NPAS3: variants seen among roughly 807,000 people sequenced by gnomAD.
The protein encoded by NPAS3 is neuronal PAS domain-containing protein 3.
In NPAS3, 14 loss-of-function variants were observed where a neutral mutation model predicts 73.1. That is an observed-to-expected ratio of 0.19 (90% CI 0.13 to 0.30). NPAS3 has a LOEUF of 0.30. Among genes scored for constraint, NPAS3 ranks in the 10% least tolerant of loss-of-function variants. NPAS3 has a pLI of 1.00. For synonymous variants in NPAS3, 620 were observed against 541.5 expected, an observed-to-expected ratio of 1.14 and a Z score of -2.01; for missense variants, 1,096 against 1,250.0, an observed-to-expected ratio of 0.88 and a Z score of 1.86.
intron 4 of NPAS3, among the ~76,000 whole-genome samples, chr14:33,494,329 C>T (rs2052056919): frequency 6.6e-6 from 1 of 152,124 alleles, no homozygotes; most frequent in South Asian, 2.1e-4. Flanking sequence ...CATAGAAAAA[C>T]ACCTGTTAGC....
chr14:33,239,442 T>G (rs911884963), intron 3 of NPAS3, among the ~76,000 whole-genome samples: 5 of 151,882 alleles, frequency 3.3e-5, no homozygotes, highest in African/African-American at 1.2e-4. Context: ...AAACAGTTTT[T>G]TCAAGGATCT....
At chr14:33,064,318 CAATT>C (rs1342633283) in intron 2 of NPAS3, among the ~76,000 whole-genome samples, 1 of 152,052 alleles carries the variant, frequency 6.6e-6, no homozygotes, top group African/African-American at 2.4e-5. Flanking sequence ...AGAAGATAAA[CAATT>C]AATATACCTC....
chr14:33,461,770 A>C (rs2050277418), intron 4 of NPAS3, among the ~76,000 whole-genome samples: 1 of 152,262 alleles, frequency 6.6e-6, no homozygotes, highest in African/African-American at 2.4e-5. Flanking sequence ...CCGAAGAGGA[A>C]GCATAGCTTA....
At chr14:33,671,254 C>G (rs2059602642) in intron 5 of NPAS3, among the ~76,000 whole-genome samples, 2 of 152,180 alleles carry the variant, frequency 1.3e-5, no homozygotes, top group South Asian at 4.1e-4. Flanking sequence ...GGGGAGCAAG[C>G]AAAGGCTATT....
chr14:32,972,217 C>T (rs1314305470), intron 1 of NPAS3, among the ~76,000 whole-genome samples: 3 of 151,790 alleles, frequency 2.0e-5, no homozygotes, highest in African/African-American at 4.8e-5. Context: ...GGATTACAGG[C>T]GTGAGCCACC....
chr14:33,542,773 C>T (rs1169765848), intron 4 of NPAS3, among the ~76,000 whole-genome samples: 1 of 152,190 alleles, frequency 6.6e-6, no homozygotes, highest in East Asian at 1.9e-4. Context: ...CCTGAGTGCG[C>T]ACGCACATGA....
chr14:33,664,810 T>TACCATCTCACACCAGTTAGAA (rs2059406011), intron 5 of NPAS3, among the ~76,000 whole-genome samples: 1 of 152,338 alleles, frequency 6.6e-6, no homozygotes, highest in Middle Eastern at 3.4e-3. Context: ...CACAGTGAGA[T>TACCATCTCACACCAGTTAGAA]ACCATCTCAC....
chr14:33,168,282 A>G (rs1420242422), intron 2 of NPAS3, among the ~76,000 whole-genome samples: 1 of 152,118 alleles, frequency 6.6e-6, no homozygotes, highest in Non-Finnish European at 1.5e-5. Context: ...GAGACAGCTT[A>G]CTGTGTGTAG....
At chr14:33,255,123 T>C (rs527407841) in intron 3 of NPAS3, among the ~76,000 whole-genome samples, 1 of 152,340 alleles carries the variant, frequency 6.6e-6, no homozygotes, top group African/African-American at 2.4e-5. Flanking sequence ...GTAATATGTT[T>C]CTTTCCAACC....
intron 2 of NPAS3, among the ~76,000 whole-genome samples, chr14:33,186,080 G>A (rs915118324): frequency 2.0e-5 from 3 of 152,082 alleles, no homozygotes; most frequent in Non-Finnish European, 4.4e-5. Flanking sequence ...ACTGATTTCT[G>A]CAAAAAGACA....
chr14:33,403,654 T>C (rs1160163), intron 4 of NPAS3, among the ~76,000 whole-genome samples: 114,558 of 151,940 alleles, frequency 0.75, 44,084 homozygotes, highest in African/African-American at 0.92. Context: ...GACAGTGACA[T>C]CATTTTAATC....
At chr14:33,249,548 C>A (rs1594506770) in intron 3 of NPAS3, among the ~76,000 whole-genome samples, 1 of 152,108 alleles carries the variant, frequency 6.6e-6, no homozygotes, top group Non-Finnish European at 1.5e-5. Flanking sequence ...GACCTCTATG[C>A]ACCTCTATTG....
chr14:33,009,876 A>AGC (rs2039130315), intron 1 of NPAS3, among the ~76,000 whole-genome samples: 1 of 152,198 alleles, frequency 6.6e-6, no homozygotes, highest in African/African-American at 2.4e-5. Context: ...ACCATAGTCT[A>AGC]GTGCTGGTTC....
intron 1 of NPAS3, among the ~76,000 whole-genome samples, chr14:33,024,140 A>ATGTGTG (rs1266387755): frequency 9.0e-6 from 1 of 110,916 alleles, no homozygotes; most frequent in African/African-American, 4.0e-5. Flanking sequence ...GTGTGTGTGT[A>ATGTGTG]TATGTGTGTG....
At chr14:33,201,139 T>A (rs1041051854) in intron 2 of NPAS3, among the ~76,000 whole-genome samples, 1 of 152,186 alleles carries the variant, frequency 6.6e-6, no homozygotes, top group Non-Finnish European at 1.5e-5. Flanking sequence ...AGAAGGCATT[T>A]GAAGGACCAT....
chr14:32,948,893 C>T (rs568568401), intron 1 of NPAS3, among the ~76,000 whole-genome samples: 35 of 151,968 alleles, frequency 2.3e-4, no homozygotes, highest in Non-Finnish European at 4.6e-4. Context: ...CTAAAGGGAG[C>T]GGGGAGAGGG....
chr14:33,084,912 A>C (rs1199295942), intron 2 of NPAS3, among the ~76,000 whole-genome samples: 3 of 152,208 alleles, frequency 2.0e-5, no homozygotes, highest in Non-Finnish European at 2.9e-5. Context: ...CAAAACATTT[A>C]TTTTAATGGG....
chr14:33,029,913 G>A (rs1051517919), intron 1 of NPAS3, among the ~76,000 whole-genome samples: 12 of 152,200 alleles, frequency 7.9e-5, no homozygotes, highest in African/African-American at 2.9e-4. Context: ...TGTACTTGTT[G>A]ATATTGTTGG....
At chr14:33,096,558 T>C (rs549196163) in intron 2 of NPAS3, among the ~76,000 whole-genome samples, 27 of 152,354 alleles carry the variant, frequency 1.8e-4, no homozygotes, top group African/African-American at 6.5e-4. Flanking sequence ...TCTGTGACCT[T>C]GTACAAGTCA....
Sources: gnomAD v4.1 joint callset for allele counts (sites outside exome capture counted in the v4.1 genomes callset) on GRCh38, gnomAD v4.1.1 for gene constraint, MANE v1.5 for transcripts, NCBI Gene and HGNC (gene_info 2026-07-23, HGNC 2026-07-21) for gene names.